TJP1: variants seen among roughly 807,000 people sequenced by gnomAD.
TJP1 encodes tight junction protein ZO-1.
In TJP1, 43 loss-of-function variants were observed where a neutral mutation model predicts 194.2. The ratio of observed to expected loss-of-function variants is 0.22; its 90% CI spans 0.17 to 0.29. TJP1 has a LOEUF of 0.29. TJP1 is among the 10% of genes least tolerant of loss of function. The probability of loss-of-function intolerance (pLI) is 1.00; values close to 1 mark genes in which losing one functional copy is unlikely to be tolerated. For synonymous variants in TJP1, 801 were observed against 779.0 expected (o/e 1.03, Z -0.47); for missense variants, 1,971 against 2,185.7 (o/e 0.90, Z 1.96).
At chr15:29,963,558 A>G (rs1406089343) in intron 1 of TJP1, among the ~76,000 whole-genome samples, 1 of 152,218 alleles carries the variant, frequency 6.6e-6, no homozygotes, top group Non-Finnish European at 1.5e-5. Context: ...CTGATAGTGC[A>G]TGGCCTTAAA....
intron 2 of TJP1, among the ~76,000 whole-genome samples, chr15:29,779,588 G>A (rs548570671): frequency 3.1e-4 from 47 of 152,302 alleles, no homozygotes; most frequent in African/African-American, 1.1e-3. Flanking sequence ...CAACCCTGCA[G>A]AAGCCTGACA....
chr15:29,724,121 T>C (rs2043096899), intron 18 of TJP1, among the ~76,000 whole-genome samples: 1 of 152,230 alleles, frequency 6.6e-6, no homozygotes, highest in Non-Finnish European at 1.5e-5. Flanking sequence ...GGGAGTCAAG[T>C]TGCCTGAATG....
chr15:29,700,277 T>C lies in TJP1; in HGVS notation c.*1318A>G. 2.5e-6 allele frequency: 1 copy of C among 398,988 alleles called. No homozygotes were observed. The highest frequency in any genetic ancestry group is 3.6e-5 in the East Asian group (1 of 28,054). 24.7% of individuals were successfully genotyped at this position (398,988 alleles called of 1,614,324 possible). A position where few individuals can be genotyped will look rare whatever the true frequency, so the allele number is the denominator to read the frequency against. ...TGTATTATCTAAACAGAAATCGTGC[T>C]GATGTGCCATAATAAATTGTCTATT... On this transcript the variant is annotated 3_prime_UTR_variant, in exon 28 of 28. Coordinates refer to ENST00000614355, the MANE Select transcript of TJP1 (RefSeq NM_001330239.4).
chr15:29,709,072 G>GA (rs758795521), intron 24 of TJP1, 36 bp from the exon 25 acceptor site: 96 of 1,567,466 alleles, frequency 6.1e-5, no homozygotes, highest in Non-Finnish European at 8.0e-5. Context: ...ATAACTTTCT[G>GA]AAAAAAGTTA....
intron 8 of TJP1, among the ~76,000 whole-genome samples, chr15:29,749,986 G>C (rs1382808167): frequency 6.6e-6 from 1 of 151,418 alleles, no homozygotes; most frequent in Non-Finnish European, 1.5e-5. Flanking sequence ...GGGATTACAG[G>C]AGCATGCCAC....
chr15:29,955,509 A>T (rs917852039), intron 2 of TJP1, among the ~76,000 whole-genome samples: 4 of 152,114 alleles, frequency 2.6e-5, no homozygotes. Context: ...TATGACCATT[A>T]ATGTAATCAC....
At chr15:29,730,503 G>A (rs1161518439) in intron 15 of TJP1, among the ~76,000 whole-genome samples, 1 of 151,762 alleles carries the variant, frequency 6.6e-6, no homozygotes, top group Non-Finnish European at 1.5e-5. Flanking sequence ...AGGCCGAGGT[G>A]TGTGGACTGC....
At chr15:29,785,113 A>G (rs913127331) in intron 2 of TJP1, among the ~76,000 whole-genome samples, 2 of 152,218 alleles carry the variant, frequency 1.3e-5, no homozygotes, top group African/African-American at 4.8e-5. Context: ...TGATTTTTAA[A>G]AGTATGTTTA....
chr15:29,901,989 T>C (rs560129198), intron 2 of TJP1, among the ~76,000 whole-genome samples: 19 of 152,252 alleles, frequency 1.2e-4, no homozygotes, highest in East Asian at 7.7e-4. Flanking sequence ...ATAAAAGGAC[T>C]ACAAACATTT....
intron 10 of TJP1, among the ~76,000 whole-genome samples, chr15:29,740,139 C>A (rs556000921): frequency 6.6e-6 from 1 of 151,888 alleles, no homozygotes; most frequent in Non-Finnish European, 1.5e-5. Flanking sequence ...AGGCGCCCAG[C>A]TAATTTTTTG....
At chr15:29,921,496 C>T (rs911178906) in intron 2 of TJP1, among the ~76,000 whole-genome samples, 1 of 152,206 alleles carries the variant, frequency 6.6e-6, no homozygotes, top group African/African-American at 2.4e-5. Context: ...AACAACCTCA[C>T]AGCCCCTGCC....
At chr15:29,752,512 A>AC (rs1415779246) in intron 8 of TJP1, among the ~76,000 whole-genome samples, 4 of 152,152 alleles carry the variant, frequency 2.6e-5, no homozygotes, top group Non-Finnish European at 5.9e-5. Flanking sequence ...ATCACTGAAT[A>AC]CCCCATGACT....
chr15:29,818,006 T>C, intron 1 of TJP1, among the ~76,000 whole-genome samples: 1 of 151,172 alleles, frequency 6.6e-6, no homozygotes, highest in African/African-American at 2.4e-5. Context: ...TCCCAGAACT[T>C]AATTAAAAAA....
At chr15:29,916,595 C>T (rs78333795) in intron 2 of TJP1, among the ~76,000 whole-genome samples, 2,128 of 152,260 alleles carry the variant, frequency 0.014, 50 homozygotes, top group African/African-American at 0.048. Flanking sequence ...CCTACGCAAA[C>T]GTTGTTGCAC....
chr15:29,739,936 ACTT>A (rs2044287715), intron 10 of TJP1, among the ~76,000 whole-genome samples: 1 of 152,164 alleles, frequency 6.6e-6, no homozygotes. Context: ...TTCAGGAACT[ACTT>A]CTATCTACCT....
At position 29,913,250 on chromosome 15, in the gene TJP1, T is replaced by C. The variant is rs563663775; in HGVS notation, c.306+42982A>G. Among the ~76,000 whole-genome samples, 7 of 152,294 alleles carry C rather than the reference T, an allele frequency of 4.6e-5. No individual in the cohort carries two copies. The South Asian group carries it at 8.3e-4, about 18-fold the overall frequency. ...AGACCAGATTAAATACACTAGAATTTATTCTACAGTCAATGGCAAGTTAGT... is the reference window on the plus strand; with the variant it reads ...AGACCAGATTAAATACACTAGAATTCATTCTACAGTCAATGGCAAGTTAGT... On this transcript the variant is annotated intron_variant, in intron 2 of 28. Transcript: ENST00000356107.
intron 2 of TJP1, among the ~76,000 whole-genome samples, chr15:29,774,839 A>G (rs556375318): frequency 3.3e-5 from 5 of 152,312 alleles, no homozygotes; most frequent in South Asian, 2.1e-4. Flanking sequence ...GATAATGGCA[A>G]CCATCTGAAT....
chr15:29,828,735 CTTT>C (rs60018975), intron 2 of TJP1, among the ~76,000 whole-genome samples: 49 of 133,276 alleles, frequency 3.7e-4, no homozygotes, highest in Admixed American at 4.5e-4. Flanking sequence ...TGAATTGAGT[CTTT>C]TTTTTTTTTT....
In TJP1 at chr15:29,701,258, C is replaced by A. The variant is rs1032373403; in HGVS notation, c.*337G>T. 15 of 234,044 alleles carry A rather than the reference C, an allele frequency of 6.4e-5. No individual in the cohort carries two copies. The South Asian group carries it at 9.4e-4, about 15-fold the overall frequency. 14.5% of individuals were successfully genotyped at this position (234,044 alleles called of 1,614,324 possible). On this transcript the variant is annotated 3_prime_UTR_variant, in exon 28 of 28. Transcript: ENST00000614355. ...ACAGTGTACTTTGGAAAGAACAGAC[C>A]TCAAATGCACCCCCATTTACTGGCT...
Sources: gnomAD v4.1 joint callset for allele counts (sites outside exome capture counted in the v4.1 genomes callset) on GRCh38, gnomAD v4.1.1 for gene constraint, MANE v1.5 for transcripts, NCBI Gene and HGNC (gene_info 2026-07-23, HGNC 2026-07-21) for gene names.